GAS2: variants seen among roughly 807,000 people sequenced by gnomAD.
The protein encoded by GAS2 is growth arrest specific 2, also known as growth arrest-specific protein 2.
In GAS2, 20 loss-of-function variants were observed where a neutral mutation model predicts 37.5. That is an observed-to-expected ratio of 0.53 (90% CI 0.37 to 0.77). GAS2 has a LOEUF of 0.77. GAS2 is among the 30% of genes least tolerant of loss of function. The probability of loss-of-function intolerance (pLI) is 0.00; values close to 1 mark genes in which losing one functional copy is unlikely to be tolerated. For synonymous variants in GAS2, 144 were observed against 132.2 expected (o/e 1.09, Z -0.61); for missense variants, 336 against 373.4 (o/e 0.90, Z 0.82).
chr11:22,679,459 A>G (rs1281972171), intron 2 of GAS2, among the ~76,000 whole-genome samples: 2 of 152,116 alleles, frequency 1.3e-5, no homozygotes, highest in Non-Finnish European at 2.9e-5. Flanking sequence ...AATTGTCATT[A>G]TGAGCAAACA....
At chr11:22,678,619 T>A (rs1200362533) in intron 2 of GAS2, among the ~76,000 whole-genome samples, 2 of 152,058 alleles carry the variant, frequency 1.3e-5, no homozygotes, top group African/African-American at 2.4e-5. Context: ...ATTTCTAGTA[T>A]GCTTGTCTAA....
At chr11:22,771,010 A>C (rs1854950067) in intron 7 of GAS2, among the ~76,000 whole-genome samples, 1 of 152,138 alleles carries the variant, frequency 6.6e-6, no homozygotes, top group African/African-American at 2.4e-5. Context: ...TAGTGGGCAA[A>C]TCTCCACTTT....
intron 1 of GAS2, among the ~76,000 whole-genome samples, chr11:22,633,556 A>G (rs1858775164): frequency 6.6e-6 from 1 of 152,344 alleles, no homozygotes; most frequent in East Asian, 1.9e-4. Context: ...GCTTCAGGCC[A>G]GTAGGAGGTG....
chr11:22,745,364 G>T (rs2134267321), intron 5 of GAS2, among the ~76,000 whole-genome samples: 1 of 152,126 alleles, frequency 6.6e-6, no homozygotes, highest in Non-Finnish European at 1.5e-5. Context: ...AATGGAGAAA[G>T]GACTCTCTTA....
chr11:22,811,943 C>A lies in GAS2; in HGVS notation c.869C>A (p.Thr290Asn). Reference protein sequence around the residue: ...KTSPIQSKSPTLKDMNPDNYL... With the variant: ...KTSPIQSKSPNLKDMNPDNYL... ...TCCCCTATCCAAAGCAAATCTCCAACTCTAAAGGACATGAATCCAGATAAC... is the reference window on the plus strand; with the variant it reads ...TCCCCTATCCAAAGCAAATCTCCAAATCTAAAGGACATGAATCCAGATAAC... The change falls in exon 8 of 8, where the codon ACT becomes AAT. Residue 290 changes from threonine (T) to asparagine (N), a missense_variant. By Grantham distance (65) the Thr-to-Asn change is moderately conservative. Coordinates refer to ENST00000454584, the MANE Select transcript of GAS2 (RefSeq NM_001143830.3). The A allele has an allele frequency of 6.2e-7, 1 of 1,614,134 alleles. No individual in the cohort carries two copies. Among genetic ancestry groups the A allele is most frequent in the African/African-American group, 1.3e-5 (1 of 75,038 alleles).
At chr11:22,648,333 A>G (rs11026716) in intron 1 of GAS2, among the ~76,000 whole-genome samples, 103,612 of 151,784 alleles carry the variant, frequency 0.68, 39,763 homozygotes, top group East Asian at 0.89. Flanking sequence ...GTAGCCTTGT[A>G]GTATAGTTTG....
chr11:22,700,186 T>C (rs1850758159), intron 3 of GAS2, among the ~76,000 whole-genome samples: 1 of 152,174 alleles, frequency 6.6e-6, no homozygotes, highest in Admixed American at 6.6e-5. Context: ...GTTCTATTCA[T>C]CTGTGAGTCT....
intron 7 of GAS2, among the ~76,000 whole-genome samples, chr11:22,789,114 C>A (rs1855969004): frequency 6.7e-6 from 1 of 150,348 alleles, no homozygotes. Context: ...ATATAATTAT[C>A]TTGATCATTA....
At chr11:22,680,214 C>T (rs400782) in intron 2 of GAS2, among the ~76,000 whole-genome samples, 55,896 of 151,790 alleles carry the variant, frequency 0.37, 11,287 homozygotes, top group African/African-American at 0.55. Context: ...TGGTATCTTC[C>T]GTTAGTTCAA....
intron 7 of GAS2, among the ~76,000 whole-genome samples, chr11:22,773,153 G>T (rs1365350254): frequency 6.6e-6 from 1 of 152,066 alleles, no homozygotes; most frequent in Non-Finnish European, 1.5e-5. Context: ...CCTCCTAGAG[G>T]CTGCAGTCTT....
At chr11:22,773,643 T>C (rs1199148239) in intron 7 of GAS2, among the ~76,000 whole-genome samples, 1 of 152,094 alleles carries the variant, frequency 6.6e-6, no homozygotes, top group East Asian at 1.9e-4. Context: ...CCGTCAAGTC[T>C]TCCAAGATCT....
At chr11:22,689,927 C>T (rs1850155735) in intron 3 of GAS2, among the ~76,000 whole-genome samples, 1 of 152,162 alleles carries the variant, frequency 6.6e-6, no homozygotes, top group African/African-American at 2.4e-5. Context: ...TTAGTCAATA[C>T]ATTCTTTGAA....
At chr11:22,682,548 A>G (rs188530273) in intron 2 of GAS2, among the ~76,000 whole-genome samples, 190 of 152,270 alleles carry the variant, frequency 1.2e-3, no homozygotes, top group African/African-American at 4.3e-3. Flanking sequence ...AATTATTTCT[A>G]ATATTTACTT....
At chr11:22,635,086 A>G (rs1285072762) in intron 1 of GAS2, among the ~76,000 whole-genome samples, 1 of 152,152 alleles carries the variant, frequency 6.6e-6, no homozygotes, top group African/African-American at 2.4e-5. Context: ...AGCTGCAGTG[A>G]TAGTGATGGG....
intron 7 of GAS2, among the ~76,000 whole-genome samples, chr11:22,777,333 C>T (rs1236755122): frequency 1.3e-5 from 2 of 152,106 alleles, no homozygotes; most frequent in Non-Finnish European, 2.9e-5. Flanking sequence ...GGCTTCAGAC[C>T]TCAACGATCA....
At chr11:22,737,609 T>C (rs1215277101) in intron 4 of GAS2, 96 bp from the exon 5 acceptor site, 1 of 1,109,500 alleles carries the variant, frequency 9.0e-7, no homozygotes, top group Non-Finnish European at 1.4e-6. Context: ...GATCCTTTCC[T>C]GGGAGCACGA....
intron 2 of GAS2, among the ~76,000 whole-genome samples, chr11:22,681,776 C>A (rs1565082785): frequency 6.6e-6 from 1 of 151,998 alleles, no homozygotes; most frequent in Non-Finnish European, 1.5e-5. Context: ...GTAATTATTT[C>A]TACACAGCCT....
chr11:22,788,824 T>G (rs1324571318), intron 7 of GAS2, among the ~76,000 whole-genome samples: 1 of 152,168 alleles, frequency 6.6e-6, no homozygotes, highest in Admixed American at 6.5e-5. Context: ...AATACTAAAA[T>G]CTAAAATTCC....
chr11:22,636,063 A>G (rs944654897), intron 1 of GAS2, among the ~76,000 whole-genome samples: 1 of 152,144 alleles, frequency 6.6e-6, no homozygotes, highest in Non-Finnish European at 1.5e-5. Flanking sequence ...CTTAGGGTGT[A>G]GGTTGCTGCC....
Sources: allele counts gnomAD v4.1 joint callset (sites outside exome capture counted in the v4.1 genomes callset), GRCh38; gene constraint gnomAD v4.1.1; transcripts MANE v1.5; gene names NCBI Gene and HGNC (gene_info 2026-07-23, HGNC 2026-07-21).